The following HCN1 variants were observed in gnomAD, a reference collection of about 807,000 sequenced individuals.
HCN1 encodes the protein hyperpolarization activated cyclic nucleotide gated potassium channel 1.
A neutral mutation model predicts 78.9 loss-of-function variants in HCN1; 13 were observed. The observed-to-expected ratio is 0.16, with a 90% CI of 0.11 to 0.26. The LOEUF (loss-of-function observed/expected upper bound fraction) is 0.26, where lower values mean the gene tolerates loss of function less well. Among genes scored for constraint, HCN1 ranks in the 10% least tolerant of loss-of-function variants. The probability of loss-of-function intolerance (pLI) is 1.00; values close to 1 mark genes in which losing one functional copy is unlikely to be tolerated. For missense variants in HCN1, 810 were observed against 1,154.3 expected (o/e 0.70, Z 4.32); for synonymous variants, 552 against 455.5 (o/e 1.21, Z -2.70).
intron 5 of HCN1, among the ~76,000 whole-genome samples, chr5:45,327,285 C>A (rs977459138): frequency 6.6e-6 from 1 of 151,548 alleles, no homozygotes; most frequent in Non-Finnish European, 1.5e-5. Flanking sequence ...GTATGCTGAA[C>A]TAAAAAATAT....
At chr5:45,462,166 T>G (rs1194978963) in intron 2 of HCN1, among the ~76,000 whole-genome samples, 159 bp from the exon 3 acceptor site, 1 of 152,288 alleles carries the variant, frequency 6.6e-6, no homozygotes, top group African/African-American at 2.4e-5. Flanking sequence ...TTTCTTTATT[T>G]TTACAATAAG....
chr5:45,411,524 A>G (rs762021660), intron 3 of HCN1, among the ~76,000 whole-genome samples: 2 of 152,028 alleles, frequency 1.3e-5, no homozygotes, highest in Non-Finnish European at 2.9e-5. Flanking sequence ...GGGCCCCTTT[A>G]AAATTTAGTG....
At chr5:45,604,217 TGAG>T (rs1247262046) in intron 2 of HCN1, among the ~76,000 whole-genome samples, 2 of 152,014 alleles carry the variant, frequency 1.3e-5, no homozygotes, top group Non-Finnish European at 2.9e-5. Context: ...AACAACTCTG[TGAG>T]ATAGATAAGA....
intron 3 of HCN1, among the ~76,000 whole-genome samples, chr5:45,453,465 C>T (rs1289002696): frequency 1.3e-5 from 2 of 152,110 alleles, no homozygotes; most frequent in Non-Finnish European, 2.9e-5. Flanking sequence ...CCAACACACA[C>T]ATACAAAACA....
chr5:45,394,742 G>A (rs1561138891), intron 4 of HCN1, among the ~76,000 whole-genome samples: 1 of 151,990 alleles, frequency 6.6e-6, no homozygotes, highest in African/African-American at 2.4e-5. Context: ...TTTGAACCCC[G>A]AAGGTAGAGG....
chr5:45,286,124 C>T (rs1209752268), intron 6 of HCN1, among the ~76,000 whole-genome samples: 2 of 151,724 alleles, frequency 1.3e-5, no homozygotes, highest in East Asian at 3.9e-4. Context: ...ATATAGGAGA[C>T]AAGACATGGG....
chr5:45,593,447 T>C (rs1000760189), intron 2 of HCN1, among the ~76,000 whole-genome samples: 2 of 151,796 alleles, frequency 1.3e-5, no homozygotes, highest in South Asian at 2.1e-4. Context: ...TTATCCCTGA[T>C]GGTAGGCCAT....
chr5:45,320,193 G>T (rs536178495), intron 5 of HCN1, among the ~76,000 whole-genome samples: 1 of 151,770 alleles, frequency 6.6e-6, no homozygotes, highest in South Asian at 2.1e-4. Flanking sequence ...ATCCCTACCT[G>T]GAGATTTCTA....
intron 2 of HCN1, among the ~76,000 whole-genome samples, chr5:45,542,146 T>G (rs1743117916): frequency 6.6e-6 from 1 of 152,188 alleles, no homozygotes; most frequent in African/African-American, 2.4e-5. Context: ...TAACATGTCA[T>G]TAAATTCAGG....
chr5:45,311,835 T>C (rs1459221762), intron 5 of HCN1, among the ~76,000 whole-genome samples: 1 of 152,226 alleles, frequency 6.6e-6, no homozygotes, highest in Admixed American at 6.5e-5. Context: ...CCTTGGAACC[T>C]GGAGGGAATT....
chr5:45,372,989 T>C (rs933879070), intron 4 of HCN1, among the ~76,000 whole-genome samples: 2 of 138,324 alleles, frequency 1.4e-5, no homozygotes, highest in African/African-American at 2.6e-5. Context: ...TAAAAAATAA[T>C]ATATAAAAAT....
At chr5:45,396,755 G>A in intron 3 of HCN1, 45 bp from the exon 4 acceptor site, 6 of 1,474,600 alleles carry the variant, frequency 4.1e-6, no homozygotes, top group Non-Finnish European at 5.7e-6. Flanking sequence ...CATTAGGATG[G>A]CAGAATGAAA....
intron 2 of HCN1, among the ~76,000 whole-genome samples, chr5:45,462,660 T>C (rs1004610834): frequency 1.3e-5 from 2 of 152,112 alleles, no homozygotes; most frequent in African/African-American, 2.4e-5. Flanking sequence ...TGGTACAGGC[T>C]TTACTTTTCA....
chr5:45,661,682 C>G (rs1349650244), intron 1 of HCN1, among the ~76,000 whole-genome samples: 4 of 38,918 alleles, frequency 1.0e-4, no homozygotes, highest in Non-Finnish European at 2.0e-4. Context: ...AACACCTCTA[C>G]GCAAATAAAC....
rs559968581 is a variant in HCN1 at position 45,344,135 on chromosome 5, G to C, written c.1377+8965C>G. 2.2e-4 allele frequency among the ~76,000 whole-genome samples: 34 copies of C among 152,218 alleles called. 1 individual carries two copies. Among genetic ancestry groups the C allele is most frequent in the African/African-American group, 6.5e-4 (27 of 41,538 alleles). On this transcript the variant is annotated intron_variant, in intron 5 of 7. Transcript: ENST00000303230. Reference sequence around the variant, plus strand: ...TCCTTCTTCACAAGATGGCAGCAAGGAGAAGTGATGAGCAAAAGGGGAAGA... The same window carrying C: ...TCCTTCTTCACAAGATGGCAGCAAGCAGAAGTGATGAGCAAAAGGGGAAGA...
rs979864666 is a variant in HCN1 at position 45,257,431 on chromosome 5, A to G, written c.*4490T>C. The G allele has an allele frequency of 1.1e-4, 16 of 152,156 alleles. No individual in the cohort carries two copies. 9.4% of individuals were successfully genotyped at this position (152,156 alleles called of 1,614,324 possible). On this transcript the variant is annotated 3_prime_UTR_variant, in exon 8 of 8. Transcript: ENST00000303230. ...TTCCCCAGCATTTAATGTATTACTC[A>G]TTCTCTCCACATCAAGGACCTTGTA... is the stretch of plus-strand genomic sequence containing the variant.
At chr5:45,339,739 A>T (rs1746536028) in intron 5 of HCN1, among the ~76,000 whole-genome samples, 1 of 152,176 alleles carries the variant, frequency 6.6e-6, no homozygotes, top group African/African-American at 2.4e-5. Flanking sequence ...TGAATATGGC[A>T]TTTAAATATA....
chr5:45,642,187 C>T (rs2112027384), intron 2 of HCN1: 1 of 152,256 alleles, frequency 6.6e-6, no homozygotes, highest in Admixed American at 6.5e-5. Context: ...TGTAATGTCA[C>T]AGAAAGCTAT....
chr5:45,471,593 G>T (rs1741390080), intron 2 of HCN1, among the ~76,000 whole-genome samples: 1 of 151,678 alleles, frequency 6.6e-6, no homozygotes, highest in Non-Finnish European at 1.5e-5. Context: ...TAATTGTTTT[G>T]GACTCAGGAG....
Sources: allele counts gnomAD v4.1 joint callset (sites outside exome capture counted in the v4.1 genomes callset), GRCh38; gene constraint gnomAD v4.1.1; transcripts MANE v1.5; gene names NCBI Gene and HGNC (gene_info 2026-07-23, HGNC 2026-07-21).